Variants in CDH13 observed in about 807,000 individuals in gnomAD.
CDH13 encodes cadherin-13.
Under a neutral mutation model 63.8 loss-of-function variants are expected in CDH13, and 24 were observed. That is an observed-to-expected ratio of 0.38 (90% CI 0.27 to 0.53). CDH13 has a LOEUF of 0.53. Among genes scored for constraint, CDH13 ranks in the 20% least tolerant of loss-of-function variants. The probability of loss-of-function intolerance (pLI) is 0.85; values close to 1 mark genes in which losing one functional copy is unlikely to be tolerated. For missense variants in CDH13, 1,049 were observed against 903.1 expected (o/e 1.16, Z -2.07); for synonymous variants, 503 against 355.3 (o/e 1.42, Z -4.67).
At chr16:83,683,134 A>C (rs1304545022) in intron 10 of CDH13, among the ~76,000 whole-genome samples, 1 of 152,226 alleles carries the variant, frequency 6.6e-6, no homozygotes, top group Non-Finnish European at 1.5e-5. Context: ...TACAAAGACA[A>C]GGGGTGTCCA....
intron 4 of CDH13, among the ~76,000 whole-genome samples, chr16:83,165,860 C>T (rs9936925): frequency 0.016 from 2,464 of 152,164 alleles, 80 homozygotes; most frequent in African/African-American, 0.056. Context: ...AAGAGAAGAA[C>T]AACTGAAAGG....
chr16:82,846,489 A>G (rs182622929), intron 1 of CDH13, among the ~76,000 whole-genome samples: 1 of 152,342 alleles, frequency 6.6e-6, no homozygotes, highest in Admixed American at 6.5e-5. Flanking sequence ...AGTAGACACA[A>G]TTATTAGTTG....
intron 10 of CDH13, among the ~76,000 whole-genome samples, chr16:83,745,506 G>T (rs889548613): frequency 1.3e-5 from 2 of 152,196 alleles, no homozygotes; most frequent in Non-Finnish European, 2.9e-5. Flanking sequence ...ACACTCGGAG[G>T]GGCTCTGGAT....
intron 7 of CDH13, among the ~76,000 whole-genome samples, chr16:83,508,122 G>GAA (rs1203602563): frequency 3.4e-5 from 3 of 87,836 alleles, no homozygotes; most frequent in African/African-American, 8.8e-5. Flanking sequence ...AGGAAGGAAG[G>GAA]GAGGAAGGAA....
chr16:83,511,719 C>A (rs1461345735), intron 7 of CDH13, among the ~76,000 whole-genome samples: 1 of 152,024 alleles, frequency 6.6e-6, no homozygotes, highest in Non-Finnish European at 1.5e-5. Context: ...TCCTAGAAGT[C>A]CTATTGAAGA....
chr16:82,817,594 A>C (rs1354912685), intron 1 of CDH13, among the ~76,000 whole-genome samples: 1 of 152,156 alleles, frequency 6.6e-6, no homozygotes, highest in Non-Finnish European at 1.5e-5. Flanking sequence ...ACCTGAGGTC[A>C]GGAGTTCAAG....
At chr16:82,875,386 GAA>G (rs1469016905) in intron 2 of CDH13, among the ~76,000 whole-genome samples, 1 of 152,110 alleles carries the variant, frequency 6.6e-6, no homozygotes, top group Non-Finnish European at 1.5e-5. Context: ...AGACTTTAAA[GAA>G]AGATACTTAA....
intron 2 of CDH13, among the ~76,000 whole-genome samples, chr16:82,964,215 G>A (rs931937083): frequency 1.4e-4 from 22 of 152,158 alleles, no homozygotes; most frequent in Non-Finnish European, 2.9e-4. Flanking sequence ...TAAAAGAGAG[G>A]CATAGGCTGA....
At chr16:83,269,204 T>C (rs1407028506) in intron 5 of CDH13, among the ~76,000 whole-genome samples, 3 of 152,204 alleles carry the variant, frequency 2.0e-5, no homozygotes, top group Non-Finnish European at 4.4e-5. Flanking sequence ...TAACCTAACA[T>C]AGTTTGCATA....
chr16:82,919,255 T>C (rs1197829607), intron 2 of CDH13, among the ~76,000 whole-genome samples: 2 of 152,234 alleles, frequency 1.3e-5, no homozygotes, highest in African/African-American at 2.4e-5. Context: ...AGGTTAGTTA[T>C]ATAGGTAAAC....
intron 8 of CDH13, among the ~76,000 whole-genome samples, chr16:83,654,181 A>T (rs1271796893): frequency 2.0e-5 from 3 of 151,640 alleles, no homozygotes; most frequent in Non-Finnish European, 4.4e-5. Flanking sequence ...GCATGACTGA[A>T]TTTGTTCCGG....
intron 11 of CDH13, among the ~76,000 whole-genome samples, chr16:83,773,117 C>T (rs1212011640): frequency 1.3e-5 from 2 of 152,140 alleles, no homozygotes; most frequent in African/African-American, 4.8e-5. Flanking sequence ...GAGACAGAGA[C>T]ACTATTCCTT....
intron 8 of CDH13, among the ~76,000 whole-genome samples, chr16:83,609,891 C>A (rs1181689915): frequency 6.6e-6 from 1 of 152,054 alleles, no homozygotes; most frequent in Non-Finnish European, 1.5e-5. Context: ...CCCATTCCCC[C>A]ACGCTGGCCA....
chr16:82,783,394 G>A (rs2035857434), intron 1 of CDH13, among the ~76,000 whole-genome samples: 3 of 152,208 alleles, frequency 2.0e-5, no homozygotes, highest in Admixed American at 2.0e-4. Context: ...AACTCAGCTA[G>A]ATTAACCTGT....
intron 1 of CDH13, among the ~76,000 whole-genome samples, chr16:82,659,404 G>C (rs763170879): frequency 1.3e-5 from 2 of 152,206 alleles, no homozygotes; most frequent in African/African-American, 4.8e-5. Context: ...ACGGAAGCAC[G>C]GGACTCTGGT....
At chr16:82,853,217 C>T (rs1005481931) in intron 1 of CDH13, among the ~76,000 whole-genome samples, 3 of 152,160 alleles carry the variant, frequency 2.0e-5, no homozygotes, top group Non-Finnish European at 2.9e-5. Flanking sequence ...TGCAGCTGAT[C>T]CTGAGATGCA....
intron 5 of CDH13, among the ~76,000 whole-genome samples, chr16:83,248,274 A>C (rs1312940899): frequency 6.6e-6 from 1 of 152,166 alleles, no homozygotes; most frequent in Admixed American, 6.5e-5. Flanking sequence ...GTGGGTGAGA[A>C]GAAGGAGAAA....
intron 9 of CDH13, among the ~76,000 whole-genome samples, chr16:83,677,706 A>G (rs73250479): frequency 6.6e-6 from 1 of 152,150 alleles, no homozygotes; most frequent in East Asian, 1.9e-4. Context: ...ATCCACTGTG[A>G]TCACAGAGGC....
intron 3 of CDH13, among the ~76,000 whole-genome samples, chr16:83,039,227 A>G (rs952866180): frequency 6.6e-6 from 1 of 152,206 alleles, no homozygotes; most frequent in Non-Finnish European, 1.5e-5. Context: ...CCTCTGCTTA[A>G]TAGGCTCTCA....
Sources: allele counts gnomAD v4.1 joint callset (sites outside exome capture counted in the v4.1 genomes callset), GRCh38; gene constraint gnomAD v4.1.1; transcripts MANE v1.5; gene names NCBI Gene and HGNC (gene_info 2026-07-23, HGNC 2026-07-21).